The following PEX7 variants were observed in gnomAD, a reference collection of about 807,000 sequenced individuals.
PEX7 encodes the protein PTS2 receptor.
Under a neutral mutation model 47.5 loss-of-function variants are expected in PEX7, and 34 were observed. That is an observed-to-expected ratio of 0.72 (90% CI 0.54 to 0.95). The LOEUF is 0.95. Ranked by LOEUF, PEX7 falls within the 40% of genes least tolerant of loss-of-function variation. The probability of loss-of-function intolerance (pLI) is 0.00; values close to 1 mark genes in which losing one functional copy is unlikely to be tolerated. For missense variants in PEX7, 394 were observed against 400.3 expected (o/e 0.98, Z 0.13); for synonymous variants, 141 against 148.8 (o/e 0.95, Z 0.38).
intron 9 of PEX7, among the ~76,000 whole-genome samples, chr6:136,911,381 G>T (rs1313539078): frequency 6.6e-6 from 1 of 151,984 alleles, no homozygotes; most frequent in African/African-American, 2.4e-5. Context: ...ATTTGTTACC[G>T]ATTCTTTTGT....
intron 3 of PEX7, among the ~76,000 whole-genome samples, chr6:136,842,713 TG>T (rs1353856693): frequency 6.6e-6 from 1 of 152,218 alleles, no homozygotes; most frequent in Non-Finnish European, 1.5e-5. Flanking sequence ...ATGTACAAGA[TG>T]TTTTGCTCAT....
chr6:136,897,005 C>T (rs573293090), intron 8 of PEX7, among the ~76,000 whole-genome samples: 1 of 152,154 alleles, frequency 6.6e-6, no homozygotes, highest in African/African-American at 2.4e-5. Context: ...TTTGGTTGAA[C>T]AGGCAAATTT....
chr6:136,890,618 A>G (rs976650377), intron 8 of PEX7, among the ~76,000 whole-genome samples: 1 of 152,198 alleles, frequency 6.6e-6, no homozygotes, highest in African/African-American at 2.4e-5. Flanking sequence ...GAGTTGTTAA[A>G]TAAAGGAGAT....
chr6:136,859,623 C>T (rs1309360594), intron 5 of PEX7, among the ~76,000 whole-genome samples: 2 of 152,098 alleles, frequency 1.3e-5, no homozygotes, highest in African/African-American at 2.4e-5. Context: ...GTTTTAGACT[C>T]TTATGTTTAC....
At chr6:136,856,089 C>G (rs1457695710) in intron 5 of PEX7, among the ~76,000 whole-genome samples, 2 of 152,082 alleles carry the variant, frequency 1.3e-5, no homozygotes, top group South Asian at 2.1e-4. Context: ...TGAATTGTTT[C>G]TAGAGTGTTG....
intron 5 of PEX7, among the ~76,000 whole-genome samples, chr6:136,851,895 A>T (rs2115182950): frequency 2.0e-5 from 1 of 50,260 alleles, no homozygotes; most frequent in South Asian, 6.9e-4. Flanking sequence ...TAGATTCTGG[A>T]TATTAGCCCT....
At chr6:136,843,500 A>G (rs1774540255) in intron 3 of PEX7, among the ~76,000 whole-genome samples, 1 of 152,180 alleles carries the variant, frequency 6.6e-6, no homozygotes, top group Admixed American at 6.5e-5. Context: ...TGTGTGCTAT[A>G]AGAGCTGGGT....
intron 9 of PEX7, among the ~76,000 whole-genome samples, chr6:136,907,893 G>A (rs575558279): frequency 3.3e-5 from 5 of 151,948 alleles, no homozygotes; most frequent in East Asian, 1.9e-4. Flanking sequence ...CACATTTATG[G>A]GACCATTATT....
At chr6:136,849,079 G>T (rs1382873249) in intron 5 of PEX7, among the ~76,000 whole-genome samples, 2 of 152,114 alleles carry the variant, frequency 1.3e-5, no homozygotes, top group South Asian at 2.1e-4. Flanking sequence ...TTTAGTCTTG[G>T]GAGGGTGTAT....
chr6:136,890,054 G>A (rs1775528927), intron 8 of PEX7, among the ~76,000 whole-genome samples: 1 of 152,178 alleles, frequency 6.6e-6, no homozygotes, highest in South Asian at 2.1e-4. Flanking sequence ...GAGAGCATAA[G>A]GATGAATAAT....
chr6:136,860,715 C>A (rs1053090221), intron 5 of PEX7, among the ~76,000 whole-genome samples: 14 of 151,126 alleles, frequency 9.3e-5, no homozygotes, highest in African/African-American at 3.4e-4. Context: ...AACCTCCCAA[C>A]CTTTGTTATT....
At chr6:136,865,267 A>T (rs558092092) in intron 5 of PEX7, among the ~76,000 whole-genome samples, 1 of 152,268 alleles carries the variant, frequency 6.6e-6, no homozygotes, top group East Asian at 1.9e-4. Flanking sequence ...CCTGGCCAAC[A>T]TGGTGAAACC....
intron 5 of PEX7, among the ~76,000 whole-genome samples, chr6:136,847,372 G>T (rs1471870496): frequency 3.3e-5 from 5 of 151,544 alleles, no homozygotes; most frequent in Non-Finnish European, 5.9e-5. Context: ...GTCAATTTTG[G>T]CTTTTGTTGC....
intron 9 of PEX7, among the ~76,000 whole-genome samples, chr6:136,903,043 TA>T (rs1775779531): frequency 1.3e-5 from 2 of 152,208 alleles, no homozygotes; most frequent in African/African-American, 4.8e-5. Context: ...ACCATATTAT[TA>T]TGTTTCTTTT....
chr6:136,887,000 T>C (rs992538030), intron 8 of PEX7, among the ~76,000 whole-genome samples: 1 of 152,100 alleles, frequency 6.6e-6, no homozygotes, highest in African/African-American at 2.4e-5. Flanking sequence ...CAGTGAGCCA[T>C]GTTTGCAACA....
At chr6:136,881,642 AT>A (rs965036065) in intron 8 of PEX7, among the ~76,000 whole-genome samples, 24 of 152,142 alleles carry the variant, frequency 1.6e-4, no homozygotes, top group African/African-American at 4.8e-4. Context: ...TGTTTTATGT[AT>A]TTAAGTACCC....
At chr6:136,867,672 G>C (rs1775098125) in intron 6 of PEX7, among the ~76,000 whole-genome samples, 1 of 151,988 alleles carries the variant, frequency 6.6e-6, no homozygotes, top group African/African-American at 2.4e-5. Context: ...CAGCTACTCG[G>C]GAGGCTGAGG....
chr6:136,824,492 T>A (rs906094664), intron 1 of PEX7, among the ~76,000 whole-genome samples: 1 of 152,164 alleles, frequency 6.6e-6, no homozygotes, highest in Non-Finnish European at 1.5e-5. Context: ...CGTGAGCCAC[T>A]GTGACTGGCC....
Position 136,846,154 on chromosome 6 carries a change from A to G in PEX7, c.499A>G (p.Ile167Val). 3 of 1,612,754 alleles carry G rather than the reference A, an allele frequency of 1.9e-6. No individual in the cohort carries two copies. The highest frequency in any genetic ancestry group is 2.5e-6 in the Non-Finnish European group (3 of 1,178,896). Residue 167 changes from isoleucine (I) to valine (V), a missense_variant, in exon 5 of 10, where the codon ATC becomes GTC. By Grantham distance (29) the Ile-to-Val change is conservative. Coordinates refer to ENST00000318471, the MANE Select transcript of PEX7 (RefSeq NM_000288.4). ...IIYSTIWSPH[I>V]PGCFASASGD... ...TTATAGCACAATCTGGTCTCCCCAC[A>G]TCCCTGGTTGTTTTGCTTCAGCCTC...
Sources: gnomAD v4.1 joint callset for allele counts (sites outside exome capture counted in the v4.1 genomes callset) on GRCh38, gnomAD v4.1.1 for gene constraint, MANE v1.5 for transcripts, NCBI Gene and HGNC (gene_info 2026-07-23, HGNC 2026-07-21) for gene names.